Variants in BMPER observed in about 807,000 individuals in gnomAD.
The protein encoded by BMPER is BMP-binding endothelial regulator protein.
Under a neutral mutation model 87.3 loss-of-function variants are expected in BMPER, and 45 were observed. That is an observed-to-expected ratio of 0.52 (90% CI 0.41 to 0.66). BMPER has a LOEUF of 0.66. Among genes scored for constraint, BMPER ranks in the 30% least tolerant of loss-of-function variants. The pLI is 0.00. For synonymous variants in BMPER, 326 were observed against 316.2 expected (o/e 1.03, Z -0.33); for missense variants, 784 against 867.5 (o/e 0.90, Z 1.21).
At chr7:33,937,266 C>T (rs1444577228) in intron 2 of BMPER, 23 bp from the exon 3 acceptor site, 1 of 1,606,556 alleles carries the variant, frequency 6.2e-7, no homozygotes, top group East Asian at 2.2e-5. Context: ...TATTTCAAAT[C>T]TCTCGTGTCT....
At chr7:33,961,859 G>A (rs1785280742) in intron 3 of BMPER, among the ~76,000 whole-genome samples, 1 of 152,130 alleles carries the variant, frequency 6.6e-6, no homozygotes, top group Admixed American at 6.5e-5. Flanking sequence ...TTCTAGGGAT[G>A]AAGGGAAAGA....
At chr7:34,024,384 A>C (rs28459439) in intron 6 of BMPER, among the ~76,000 whole-genome samples, 3 of 23,430 alleles carry the variant, frequency 1.3e-4, no homozygotes, top group African/African-American at 6.3e-4. Flanking sequence ...AAAAAAAAAC[A>C]ATATATATAT....
intron 13 of BMPER, among the ~76,000 whole-genome samples, chr7:34,130,186 GTCTCTCTCTCTC>G: frequency 1.3e-5 from 2 of 149,356 alleles, no homozygotes; most frequent in African/African-American, 2.5e-5. Context: ...TCTTGATTCT[GTCTCTCTCTCTC>G]TCTCTCTCTC....
rs59000534 is a variant in BMPER at position 34,156,323 on chromosome 7, T to C, written c.*3050T>C. Among the ~76,000 whole-genome samples the C allele has an allele frequency of 0.09, 13,735 of 152,194 alleles. 1,357 individuals carry two copies. The highest frequency in any genetic ancestry group is 0.25 in the African/African-American group (10,375 of 41,458). ...GGCATAGAGAAAAATGTTGCAAACA[T>C]CCATGACTACATTACCCTAATTAAG... On this transcript the variant is annotated 3_prime_UTR_variant, in exon 15 of 15. Coordinates refer to ENST00000649409, the MANE Select transcript of BMPER (RefSeq NM_001365308.1).
chr7:34,064,308 A>G (rs1316262232), intron 11 of BMPER, among the ~76,000 whole-genome samples: 2 of 151,296 alleles, frequency 1.3e-5, no homozygotes, highest in Admixed American at 6.6e-5. Flanking sequence ...AAAAATTACC[A>G]ATCTTGTAAG....
In BMPER at chr7:34,065,199, A is replaced by ACTCTCTCTCT. The variant is rs372015069; in HGVS notation, c.1078+3155_1078+3156insTCTCTCTCTC. 7.4e-3 allele frequency among the ~76,000 whole-genome samples: 696 copies of ACTCTCTCTCT among 93,808 alleles called. 11 individuals are homozygous for ACTCTCTCTCT. Among genetic ancestry groups the ACTCTCTCTCT allele is most frequent in the African/African-American group, 0.015 (384 of 25,372 alleles). The allele number at this position is 93,808 out of a possible 152,430, so 61.5% of individuals were successfully genotyped here. On this transcript the variant is annotated intron_variant, in intron 11 of 14. Transcript: ENST00000649409. ...CTCTCGGACACACACACACATACACACTCACTCTCTCTCTCTCTCTCTCTC... is the reference window on the plus strand; with the variant it reads ...CTCTCGGACACACACACACATACACACTCTCTCTCTCTCACTCTCTCTCTCTCTCTCTCTC...
intron 6 of BMPER, among the ~76,000 whole-genome samples, chr7:33,988,031 A>G (rs1227203790): frequency 1.3e-5 from 2 of 152,208 alleles, no homozygotes; most frequent in Non-Finnish European, 2.9e-5. Context: ...AACATTTAAT[A>G]ATAGAAAAGT....
At chr7:33,907,006 T>G (rs527461479) in intron 2 of BMPER, 103 bp downstream of exon 2, 1 of 1,144,730 alleles carries the variant, frequency 8.7e-7, no homozygotes, top group Non-Finnish European at 1.3e-6. Context: ...GTCTTTATCA[T>G]TACAAAATTG....
At chr7:33,979,032 G>A (rs1785768047) in intron 6 of BMPER, among the ~76,000 whole-genome samples, 1 of 152,114 alleles carries the variant, frequency 6.6e-6, no homozygotes, top group Non-Finnish European at 1.5e-5. Flanking sequence ...CAAGTGGTAA[G>A]GGTGAGAGGA....
At chr7:33,912,420 GTT>G (rs1783988342) in intron 2 of BMPER, among the ~76,000 whole-genome samples, 2 of 152,074 alleles carry the variant, frequency 1.3e-5, no homozygotes, top group Non-Finnish European at 2.9e-5. Flanking sequence ...TTCAAACACT[GTT>G]TATTTTGTTT....
At chr7:34,051,754 A>G in intron 7 of BMPER, 107 bp from the exon 8 acceptor site, 1 of 958,698 alleles carries the variant, frequency 1.0e-6, no homozygotes, top group South Asian at 1.3e-5. Flanking sequence ...CTCCAGACTT[A>G]CGTGGTCTTA....
chr7:34,013,159 A>G (rs1278638681), intron 6 of BMPER, among the ~76,000 whole-genome samples: 1 of 151,686 alleles, frequency 6.6e-6, no homozygotes, highest in Non-Finnish European at 1.5e-5. Flanking sequence ...CTCAGGTGCC[A>G]TAACTGAATC....
chr7:33,935,742 C>T (rs747645904), intron 2 of BMPER, among the ~76,000 whole-genome samples: 3 of 152,138 alleles, frequency 2.0e-5, no homozygotes, highest in Admixed American at 6.5e-5. Context: ...GGCTGTGGAT[C>T]GATGCCCTTT....
intron 14 of BMPER, among the ~76,000 whole-genome samples, chr7:34,147,239 G>C (rs1376707296): frequency 1.3e-5 from 2 of 152,174 alleles, no homozygotes; most frequent in African/African-American, 4.8e-5. Flanking sequence ...TTTCTTGACT[G>C]ACTGGATGCC....
At chr7:34,064,288 C>CAAAA (rs5883444) in intron 11 of BMPER, among the ~76,000 whole-genome samples, 1 of 146,338 alleles carries the variant, frequency 6.8e-6, no homozygotes. Context: ...AAGACTCTGT[C>CAAAA]AAAAAAAAAA....
At chr7:34,044,097 A>C (rs1585770186) in intron 6 of BMPER, among the ~76,000 whole-genome samples, 1 of 152,320 alleles carries the variant, frequency 6.6e-6, no homozygotes, top group East Asian at 1.9e-4. Context: ...CTGCAAACCA[A>C]ACAAAATAAA....
At chr7:34,101,657 G>A (rs1002418610) in intron 13 of BMPER, among the ~76,000 whole-genome samples, 4 of 152,122 alleles carry the variant, frequency 2.6e-5, no homozygotes, top group African/African-American at 7.2e-5. Flanking sequence ...TTCCCTCCTG[G>A]ACCCTTTCAT....
chr7:34,055,321 C>T lies in BMPER; in HGVS notation c.927+18C>T, dbSNP rs1472705124. 1.2e-6 allele frequency: 2 copies of T among 1,613,606 alleles called. No individual in the cohort carries two copies. Among genetic ancestry groups the T allele is most frequent in the Admixed American group, 1.7e-5 (1 of 60,022 alleles). ...TTTTCCAGGTATGTCATGAGACAAG[C>T]ACATGGGAACTCCTGTATTACTACG... On this transcript the variant is annotated intron_variant, in intron 9 of 14. Coordinates refer to ENST00000649409, the MANE Select transcript of BMPER (RefSeq NM_001365308.1).
intron 2 of BMPER, among the ~76,000 whole-genome samples, chr7:33,913,907 A>T (rs1338418032): frequency 6.6e-6 from 1 of 151,346 alleles, no homozygotes; most frequent in East Asian, 1.9e-4. Context: ...TTGGTAAATT[A>T]TTCAGTCTGG....
Sources: gnomAD v4.1 joint callset for allele counts (sites outside exome capture counted in the v4.1 genomes callset) on GRCh38, gnomAD v4.1.1 for gene constraint, MANE v1.5 for transcripts, NCBI Gene and HGNC (gene_info 2026-07-23, HGNC 2026-07-21) for gene names.